The following USP33 variants were observed in gnomAD, a reference collection of about 807,000 sequenced individuals.
USP33 encodes ubiquitin carboxyl-terminal hydrolase 33.
In USP33, 46 loss-of-function variants were observed where a neutral mutation model predicts 124.2. The ratio of observed to expected loss-of-function variants is 0.37; its 90% CI spans 0.29 to 0.47. The LOEUF (loss-of-function observed/expected upper bound fraction) is 0.47. USP33 is among the 20% of genes least tolerant of loss of function. The pLI is 0.99. For missense variants in USP33, 851 were observed against 1,070.6 expected (o/e 0.79, Z 2.86); for synonymous variants, 350 against 352.3 (o/e 0.99, Z 0.07).
At position 77,701,386 on chromosome 1, in the gene USP33, AC is replaced by A. The variant is rs756899754; in HGVS notation, c.2491del (p.Val831Ter). ...CCACTTACCTCCATCTTTACCCTTC[AC>A]AAAACTTTCCCATTCTCTAAACCAC... is the stretch of plus-strand genomic sequence containing the variant. ...MQWFREWESF[V>X]KGKDGDPPGP... On this transcript the variant is annotated frameshift_variant, in exon 22 of 24. Transcript: ENST00000370794. LOFTEE classifies it high-confidence loss of function. 1 of 1,610,640 alleles carries A rather than the reference AC, an allele frequency of 6.2e-7. No homozygotes were observed. Among genetic ancestry groups the A allele is most frequent in the South Asian group, 1.1e-5 (1 of 90,280 alleles).
At chr1:77,738,451 A>G (rs1382493812) in intron 5 of USP33, among the ~76,000 whole-genome samples, 1 of 152,112 alleles carries the variant, frequency 6.6e-6, no homozygotes, top group Non-Finnish European at 1.5e-5. Flanking sequence ...TGTGTTTTCT[A>G]AGTCTCTTGA....
chr1:77,757,474 C>T (rs1223325674), intron 1 of USP33, among the ~76,000 whole-genome samples: 1 of 152,192 alleles, frequency 6.6e-6, no homozygotes, highest in Non-Finnish European at 1.5e-5. Flanking sequence ...TTAAAAGCAA[C>T]TGTACTCATC....
chr1:77,717,985 G>A lies in USP33; in HGVS notation c.1800C>T (p.Thr600=). Residue 600 remains threonine, a synonymous_variant, in exon 17 of 24, where the codon ACC becomes ACT. Transcript: ENST00000370794. ...HELMFSTKIS[T]HVSFPLEGLD... Reference sequence around the variant, plus strand: ...AGCCTTCTAGCGGAAATGAAACATGGGTACTGATTTTGGTGGAAAACATTA... The same window carrying A: ...AGCCTTCTAGCGGAAATGAAACATGAGTACTGATTTTGGTGGAAAACATTA... The A allele has an allele frequency of 6.2e-7, 1 of 1,613,764 alleles. No homozygotes were observed. Among genetic ancestry groups the A allele is most frequent in the Non-Finnish European group, 8.5e-7 (1 of 1,179,860 alleles).
chr1:77,721,886 T>C lies in USP33; in HGVS notation c.1602A>G (p.Pro534=), dbSNP rs746214910. 3 of 1,610,806 alleles carry C rather than the reference T, an allele frequency of 1.9e-6. No individual in the cohort carries two copies. The highest frequency in any genetic ancestry group is 2.2e-5 in the South Asian group (2 of 90,078). Residue 534 remains proline, a synonymous_variant, in exon 14 of 24, where the codon CCA becomes CCG. Coordinates refer to ENST00000370794, the MANE Select transcript of USP33 (RefSeq NM_201624.3). ...VSCVPSWFWG[P]VVTLQDCLAA... ...CAAGACAATCTTGCAAGGTTACTAC[T>C]GGACCCCAAAACCAGCTAGGGACAC...
At position 77,697,894 on chromosome 1, in the gene USP33, G is replaced by C. The variant is rs1207272529; in HGVS notation, c.2547C>G (p.Val849=). 1.2e-6 allele frequency: 2 copies of C among 1,611,002 alleles called. No homozygotes were observed. Among genetic ancestry groups the C allele is most frequent in the Non-Finnish European group, 1.7e-6 (2 of 1,179,176 alleles). ...TAAGCATCACATTACCACATTTAGT[G>C]ACTGCAATCTTAGTATTGTCAATAG... ...PGPIDNTKIA[V]TKCGNVMLRQ... The change falls in exon 23 of 24, where the codon GTC becomes GTG. Residue 849 remains valine (V), a synonymous_variant. Coordinates refer to ENST00000370794, the MANE Select transcript of USP33 (RefSeq NM_201624.3).
At chr1:77,716,032 C>T (rs1289752908) in intron 17 of USP33, among the ~76,000 whole-genome samples, 164 bp from the exon 18 acceptor site, 2 of 152,042 alleles carry the variant, frequency 1.3e-5, no homozygotes, top group Non-Finnish European at 2.9e-5. Context: ...TCCTTCATCA[C>T]CTGACGACAG....
At chr1:77,720,847 G>A (rs1013692237) in intron 15 of USP33, among the ~76,000 whole-genome samples, 10 of 152,122 alleles carry the variant, frequency 6.6e-5, no homozygotes, top group Non-Finnish European at 1.2e-4. Flanking sequence ...ATGAAACTTT[G>A]TACCTTTCAC....
rs1230207279 is a variant in USP33 at position 77,722,321 on chromosome 1, A to C, written c.1390-125T>G. On this transcript the variant is annotated intron_variant, in intron 12 of 23. Transcript: ENST00000370794. ...AGCAAAAAAAACAAAAAACAAAAAA[A>C]AACACGCAAATTGAACTGCTTTCAT... is the stretch of plus-strand genomic sequence containing the variant. The C allele has an allele frequency of 7.2e-6, 7 of 977,870 alleles. No individual in the cohort carries two copies. The South Asian group carries it at 1.1e-4, about 15-fold the overall frequency. The allele number at this position is 977,870 out of a possible 1,614,324, so 60.6% of individuals were successfully genotyped here.
At position 77,728,480 on chromosome 1, in the gene USP33, A is replaced by G; in HGVS notation, c.950T>C (p.Met317Thr). 1 of 1,614,046 alleles carries G rather than the reference A, an allele frequency of 6.2e-7. No individual in the cohort carries two copies. The highest frequency in any genetic ancestry group is 8.5e-7 in the Non-Finnish European group (1 of 1,179,992). ...ATTGTTTTCATCATCCTGAATTAAC[A>G]TTGTTGTTTCATTATTATCTTCAGA... ...CFSEDNNETTMLIQDDENNSE... is the reference protein window; with the variant it reads ...CFSEDNNETTTLIQDDENNSE... Residue 317 changes from methionine (M) to threonine (T), a missense_variant, in exon 10 of 24, where the codon ATG becomes ACG. Transcript: ENST00000370794.
chr1:77,731,840 A>G (rs1361676076), intron 7 of USP33, among the ~76,000 whole-genome samples: 2 of 152,220 alleles, frequency 1.3e-5, no homozygotes, highest in Admixed American at 1.3e-4. Flanking sequence ...ATGGTTGGTC[A>G]TGCCTGTAAT....
intron 18 of USP33, 125 bp downstream of exon 18, chr1:77,715,617 T>G (rs1675792570): frequency 1.8e-6 from 2 of 1,118,488 alleles, no homozygotes; most frequent in Non-Finnish European, 1.3e-6. Flanking sequence ...TGTATTTTAC[T>G]GTAATGAAAT....
chr1:77,716,559 G>A (rs1318626598), intron 17 of USP33, among the ~76,000 whole-genome samples: 3 of 152,188 alleles, frequency 2.0e-5, no homozygotes, highest in Admixed American at 6.5e-5. Flanking sequence ...AAAGCCTTGA[G>A]TCAACACCAC....
chr1:77,737,786 G>T (rs529976981), intron 5 of USP33, among the ~76,000 whole-genome samples: 5 of 152,258 alleles, frequency 3.3e-5, no homozygotes, highest in African/African-American at 1.2e-4. Flanking sequence ...GGCAGAAATG[G>T]CAACAGATAG....
intron 21 of USP33, among the ~76,000 whole-genome samples, chr1:77,710,970 A>C (rs1158634974): frequency 6.6e-6 from 1 of 152,162 alleles, no homozygotes; most frequent in African/African-American, 2.4e-5. Context: ...TGATTTTATG[A>C]CCACACTTTC....
intron 21 of USP33, among the ~76,000 whole-genome samples, chr1:77,703,063 T>C (rs887153286): frequency 6.6e-6 from 1 of 152,124 alleles, no homozygotes; most frequent in African/African-American, 2.4e-5. Flanking sequence ...CCTGTAATTA[T>C]TCACAGATAC....
At position 77,748,782 on chromosome 1, in the gene USP33, C is replaced by G. The variant is rs562682440; in HGVS notation, c.-51-7034G>C. ...TTTTTTGGCAGCATTCCTTCCCTCC[C>G]CCCCCCCCCCGTGCTTGAATCAGGA... is the stretch of plus-strand genomic sequence containing the variant. On this transcript the variant is annotated intron_variant, in intron 1 of 23. Coordinates refer to ENST00000370794, the MANE Select transcript of USP33 (RefSeq NM_201624.3). 4.6e-3 allele frequency among the ~76,000 whole-genome samples: 354 copies of G among 77,512 alleles called. 32 individuals are homozygous for G. Among genetic ancestry groups the G allele is most frequent in the African/African-American group, 0.02 (328 of 16,280 alleles). The allele number at this position is 77,512 out of a possible 152,430, so 50.9% of individuals were successfully genotyped here.
chr1:77,748,047 T>C (rs1022669370), intron 1 of USP33, among the ~76,000 whole-genome samples: 2 of 152,236 alleles, frequency 1.3e-5, no homozygotes, highest in African/African-American at 4.8e-5. Flanking sequence ...ATCCTTTTCA[T>C]GGTTTCCCTG....
intron 5 of USP33, among the ~76,000 whole-genome samples, chr1:77,738,801 C>A (rs1678784806): frequency 6.6e-6 from 1 of 152,130 alleles, no homozygotes; most frequent in Non-Finnish European, 1.5e-5. Flanking sequence ...AAATCTTTAA[C>A]CCAAAGACTG....
At chr1:77,698,743 AC>A (rs894851521) in intron 22 of USP33, among the ~76,000 whole-genome samples, 1 of 150,162 alleles carries the variant, frequency 6.7e-6, no homozygotes, top group Non-Finnish European at 1.5e-5. Context: ...CTCGTGATCC[AC>A]CCCCCTCGGC....
Sources: allele counts gnomAD v4.1 joint callset (sites outside exome capture counted in the v4.1 genomes callset), GRCh38; gene constraint gnomAD v4.1.1; transcripts MANE v1.5; gene names NCBI Gene and HGNC (gene_info 2026-07-23, HGNC 2026-07-21).